Variants in MED12 observed in about 807,000 individuals in gnomAD.
MED12 encodes mediator complex subunit 12.
Under a neutral mutation model 177.7 loss-of-function variants are expected in MED12, and 10 were observed. That is an observed-to-expected ratio of 0.06 (90% CI 0.03 to 0.10). The LOEUF is 0.10. MED12 is among the 10% of genes least tolerant of loss of function. The pLI is 1.00. For missense variants in MED12, 867 were observed against 1,780.8 expected (o/e 0.49, Z 9.23); for synonymous variants, 641 against 678.4 (o/e 0.94, Z 0.86).
rs1359267668 is a variant in MED12 at position 71,130,115 on chromosome X, G to A, written c.3948G>A (p.Gln1316=). 8 of 1,209,830 alleles carry A rather than the reference G, an allele frequency of 6.6e-6. No homozygotes were observed. The highest frequency in any genetic ancestry group is 8.9e-6 in the Non-Finnish European group (8 of 894,339). The change falls in exon 28 of 45, where the codon CAG becomes CAA. Residue 1316 remains glutamine, a synonymous_variant. Coordinates refer to ENST00000374080, the MANE Select transcript of MED12 (RefSeq NM_005120.3). The part of the protein sequence containing the change: ...DLQDPVLSSA[Q]AQRLMQLICY... ...AAGACCCAGTGTTGAGTAGTGCCCA[G>A]GCGCAGCGCCTCATGCAGCTCATTT...
rs769025272 is a variant in MED12, at chrX:71,132,878, G to A, written c.4449G>A (p.Ser1483=). The A allele has an allele frequency of 1.1e-5, 13 of 1,181,590 alleles. No individual in the cohort carries two copies. Among genetic ancestry groups the A allele is most frequent in the Admixed American group, 7.2e-5 (3 of 41,495 alleles). The change falls in exon 32 of 45, where the codon TCG becomes TCA. Residue 1483 remains serine, a synonymous_variant. Coordinates refer to ENST00000374080, the MANE Select transcript of MED12 (RefSeq NM_005120.3). ...MSLLSQQPFL[S]LVLTCLKGQD... is the part of the protein sequence containing the mutation. The stretch of plus-strand genomic sequence containing the variant: ...TATTGAGCCAGCAGCCCTTCTTATC[G>A]CTGGTGCTAACATGTCTGAAAGGGC...
rs1237702262 is a variant in MED12 at position 71,121,462 on chromosome X, G to A, written c.846+25G>A. On this transcript the variant is annotated intron_variant, in intron 6 of 44. Transcript: ENST00000374080. The stretch of plus-strand genomic sequence containing the variant: ...AGTAAGGCTTGGAATTTTGGTACTG[G>A]TGGGGCAGGGGGAGTCTAAGAAGAA... 5.8e-6 allele frequency: 7 copies of A among 1,207,190 alleles called. No homozygotes were observed. The African/African-American group carries it at 8.8e-5, about 15-fold the overall frequency.
At chrX:71,127,314 C>T (rs1490430651) in intron 20 of MED12, 22 bp from the exon 21 acceptor site, 1 of 1,210,659 alleles carries the variant, frequency 8.3e-7, no homozygotes, top group Non-Finnish European at 1.1e-6. Context: ...GCTGACCCTC[C>T]CAACCTTGCT....
chrX:71,128,625 C>G lies in MED12; in HGVS notation c.3382C>G (p.Leu1128Val). Residue 1128 changes from leucine (L) to valine (V), a missense_variant, in exon 24 of 45, where the codon CTG becomes GTG. Leu to Val is a conservative substitution (Grantham distance 32). Coordinates refer to ENST00000374080, the MANE Select transcript of MED12 (RefSeq NM_005120.3). ...CAGTGACCTATCTTTTCATGACTCG[C>G]TGGCTACTTTTGTTGCCATCCTCAT... ...DVSDLSFHDS[L>V]ATFVAILIAR... 1 of 1,211,153 alleles carries G rather than the reference C, an allele frequency of 8.3e-7. No homozygotes were observed.
At position 71,121,892 on chromosome X, in the gene MED12, G is replaced by A. The variant is rs1173191415; in HGVS notation, c.1101+76G>A. On this transcript the variant is annotated intron_variant, in intron 7 of 44. Coordinates refer to ENST00000374080, the MANE Select transcript of MED12 (RefSeq NM_005120.3). ...TCAGGTGCCCATCCCAGAGAATAGGGGTAATTCCAAATTGGATGTGGGAGT... is the reference window on the plus strand; with the variant it reads ...TCAGGTGCCCATCCCAGAGAATAGGAGTAATTCCAAATTGGATGTGGGAGT... 3.1e-5 allele frequency: 37 copies of A among 1,182,659 alleles called. No individual in the cohort carries two copies. In the South Asian group the frequency reaches 5.8e-4, roughly 18 times the overall value.
Position 71,128,018 on chromosome X carries a change from A to G in MED12, c.3107A>G (p.Tyr1036Cys). The change falls in exon 22 of 45, where the codon TAC becomes TGC. Residue 1036 changes from tyrosine to cysteine, a missense_variant. Coordinates refer to ENST00000374080, the MANE Select transcript of MED12 (RefSeq NM_005120.3). ...LENPAAHTFTYTGLGKSLSEN... is the reference protein window; with the variant it reads ...LENPAAHTFTCTGLGKSLSEN... ...AACCCTGCAGCTCACACCTTCACCT[A>G]CACGGGGCTAGGCAAGAGTCTTAGT... The G allele has an allele frequency of 2.5e-6, 3 of 1,211,335 alleles. No homozygotes were observed. Among genetic ancestry groups the G allele is most frequent in the Non-Finnish European group, 3.4e-6 (3 of 895,219 alleles).
chrX:71,129,275 G>A (rs779664020), intron 25 of MED12, 41 bp from the exon 26 acceptor site: 1 of 1,172,755 alleles, frequency 8.5e-7, no homozygotes, highest in South Asian at 1.8e-5. Context: ...TGCCTCCGTG[G>A]ATTCTACTTT....
chrX:71,139,485 C>T (rs1013531241), intron 41 of MED12, among the ~76,000 whole-genome samples: 5 of 110,203 alleles, frequency 4.5e-5, no homozygotes, highest in Non-Finnish European at 7.6e-5. Context: ...AATGCTCAGC[C>T]GAAGAATTGA....
chrX:71,132,706 A>G (rs1464521983), intron 31 of MED12, 139 bp from the exon 32 acceptor site: 11 of 840,675 alleles, frequency 1.3e-5, no homozygotes, highest in South Asian at 4.7e-5. Context: ...AGTAGTCTGG[A>G]GAATGAGGTT....
In MED12 at chrX:71,134,747, G is replaced by A. The variant is rs767396596; in HGVS notation, c.4762G>A (p.Val1588Met). 2 of 1,210,982 alleles carry A rather than the reference G, an allele frequency of 1.7e-6. No homozygotes were observed. The highest frequency in any genetic ancestry group is 2.2e-6 in the Non-Finnish European group (2 of 895,020). ...LFTTVLDMLS[V>M]LINGTLAADM... Reference sequence around the variant, plus strand: ...CACTACTGTGTTGGACATGCTGAGCGTGCTCATCAATGGGACATTGGCTGC... The same window carrying A: ...CACTACTGTGTTGGACATGCTGAGCATGCTCATCAATGGGACATTGGCTGC... The change falls in exon 35 of 45, where the codon GTG becomes ATG. Residue 1588 changes from valine to methionine, a missense_variant. Physicochemically the swap from Val to Met is conservative, Grantham distance 21. Around this residue, in one of 14 missense-constraint regions of MED12, gnomAD observed 36 missense variants for 141.5 expected, o/e 0.25. Coordinates refer to ENST00000374080, the MANE Select transcript of MED12 (RefSeq NM_005120.3).
At chrX:71,125,209 G>A in intron 15 of MED12, 63 bp downstream of exon 15, 1 of 1,195,948 alleles carries the variant, frequency 8.4e-7, no homozygotes, top group Non-Finnish European at 1.1e-6. Context: ...AAAGGAATTT[G>A]CTGAGGGGTT....
intron 36 of MED12, 39 bp downstream of exon 36, chrX:71,135,292 C>G (rs760620758): frequency 4.9e-5 from 59 of 1,203,420 alleles, no homozygotes; most frequent in Non-Finnish European, 6.5e-5. Context: ...TGCCTTTTTT[C>G]CCCTTTGGGC....
rs1342964915 is a variant in MED12, at chrX:71,128,280, T to C, written c.3210-16T>C. 4 of 1,211,562 alleles carry C rather than the reference T, an allele frequency of 3.3e-6. No homozygotes were observed. In the Admixed American group the frequency reaches 8.7e-5, roughly 26 times the overall value. On this transcript the variant is annotated splice_polypyrimidine_tract_variant and intron_variant, in intron 22 of 44. Coordinates refer to ENST00000374080, the MANE Select transcript of MED12 (RefSeq NM_005120.3). ...GGAGCAAGGTTTTTCCTGAGGGCAT[T>C]TGTACTTTTCCCTAGGGTGAATGAC...
intron 37 of MED12, 111 bp downstream of exon 37, chrX:71,136,766 A>G: frequency 8.5e-7 from 1 of 1,182,945 alleles, no homozygotes. Flanking sequence ...CATTAGAATC[A>G]TAATAAAAAT....
At chrX:71,124,703 A>G in intron 13 of MED12, 61 bp from the exon 14 acceptor site, 2 of 933,010 alleles carry the variant, frequency 2.1e-6, no homozygotes, top group Admixed American at 4.6e-5. Context: ...ATGAAGTTTT[A>G]CAGATGGTGG....
intron 42 of MED12, 128 bp from the exon 43 acceptor site, chrX:71,141,102 T>A: frequency 8.9e-7 from 1 of 1,117,434 alleles, no homozygotes; most frequent in Non-Finnish European, 1.2e-6. Context: ...TGTGCAGCTG[T>A]CTAAAAAGGG....
rs1323090618 is a variant in MED12, at chrX:71,124,148, C to T, written c.1745-11C>T. ...TCTCCTAACTTATGTTTCCTCATTC[C>T]CTTCCTCCAGCGGACCCTCGAAGTG... On this transcript the variant is annotated splice_polypyrimidine_tract_variant and intron_variant, in intron 12 of 44. Coordinates refer to ENST00000374080, the MANE Select transcript of MED12 (RefSeq NM_005120.3). 1 of 1,197,400 alleles carries T rather than the reference C, an allele frequency of 8.4e-7. No homozygotes were observed. The highest frequency in any genetic ancestry group is 1.1e-6 in the Non-Finnish European group (1 of 883,861).
rs770988288 is a variant in MED12, at chrX:71,128,116, G to C, written c.3205G>C (p.Asp1069His). The change falls in exon 22 of 45, where the codon GAT (aspartate) becomes CAT (histidine). Residue 1069 changes from aspartate to histidine, a missense_variant. Transcript: ENST00000374080. ...CGTCTGTGTGGGGCACCATGATCCC[G>C]ATAGGTATGGGGTGTACTGAGTGAG... is the stretch of plus-strand genomic sequence containing the variant. ...MHVCVGHHDP[D>H]RVNDIAILCA... is the part of the protein sequence containing the mutation. The C allele has an allele frequency of 8.3e-7, 1 of 1,207,297 alleles. No homozygotes were observed. The highest frequency in any genetic ancestry group is 2.2e-5 in the Admixed American group (1 of 46,016).
intron 17 of MED12, 62 bp from the exon 18 acceptor site, chrX:71,125,974 C>T (rs2092302435): frequency 2.1e-5 from 17 of 797,351 alleles, no homozygotes; most frequent in Non-Finnish European, 1.3e-5. Context: ...ACCCCACTCC[C>T]CACCCCTAGT....
Sources: allele counts gnomAD v4.1 joint callset (sites outside exome capture counted in the v4.1 genomes callset), GRCh38; gene constraint gnomAD v4.1.1; regional missense constraint gnomAD v4.1.1; transcripts MANE v1.5; gene names NCBI Gene and HGNC (gene_info 2026-07-23, HGNC 2026-07-21).